Variants in IL1RAP observed in about 807,000 individuals in gnomAD.
IL1RAP encodes the protein interleukin-1 receptor accessory protein.
IL1RAP carries 35 observed loss-of-function variants against 60.7 expected under a neutral mutation model. The observed-to-expected ratio is 0.58, with a 90% CI of 0.44 to 0.76. IL1RAP has a LOEUF of 0.76. Ranked by LOEUF, IL1RAP falls within the 30% of genes least tolerant of loss-of-function variation. IL1RAP has a pLI of 0.00. For missense variants in IL1RAP, 572 were observed against 693.9 expected (o/e 0.82, Z 1.97); for synonymous variants, 268 against 250.9 (o/e 1.07, Z -0.64).
chr3:190,570,818 A>C (rs947526136), intron 3 of IL1RAP, among the ~76,000 whole-genome samples: 1 of 152,124 alleles, frequency 6.6e-6, no homozygotes, highest in Admixed American at 6.5e-5. Context: ...TGCCTGCCTC[A>C]GCCTCCCAAA....
rs1553836079 is a variant in IL1RAP at position 190,555,926 on chromosome 3, G to GTCTGTCTA, written c.-88-201_-88-200insGTCTATCT. 126 of 145,126 alleles carry GTCTGTCTA rather than the reference G, an allele frequency of 8.7e-4. 1 individual carries two copies. The highest frequency in any genetic ancestry group is 2.3e-3 in the African/African-American group (89 of 39,072). 9.0% of individuals were successfully genotyped at this position (145,126 alleles called of 1,614,324 possible). On this transcript the variant is annotated intron_variant, in intron 1 of 11. Coordinates refer to ENST00000447382, the MANE Select transcript of IL1RAP (RefSeq NM_002182.4). ...TATATATATAGATAGATAGAGATCT[G>GTCTGTCTA]TCTATCTATCTATCTATCTATCTAT... is the stretch of plus-strand genomic sequence containing the variant.
intron 3 of IL1RAP, among the ~76,000 whole-genome samples, chr3:190,584,068 T>C (rs975877865): frequency 4.6e-5 from 7 of 152,174 alleles, no homozygotes; most frequent in Admixed American, 1.3e-4. Flanking sequence ...ACCCAGTCAC[T>C]AGCAACCACT....
In IL1RAP at chr3:190,601,204, C is replaced by T. The variant is rs189667543; in HGVS notation, c.65-2924C>T. 1.7e-3 allele frequency among the ~76,000 whole-genome samples: 265 copies of T among 152,186 alleles called. 2 individuals carry two copies. Among genetic ancestry groups the T allele is most frequent in the African/African-American group, 6.1e-3 (252 of 41,532 alleles). ...TTCGCCATGTTGGCCAGGCTGGTCT[C>T]GAACTCCTGACCTCAGGTGATCCGC... is the stretch of plus-strand genomic sequence containing the variant. On this transcript the variant is annotated intron_variant, in intron 3 of 11. Coordinates refer to ENST00000447382, the MANE Select transcript of IL1RAP (RefSeq NM_002182.4).
At chr3:190,589,721 A>G (rs1728780314) in intron 3 of IL1RAP, among the ~76,000 whole-genome samples, 2 of 152,178 alleles carry the variant, frequency 1.3e-5, no homozygotes, top group African/African-American at 2.4e-5. Context: ...TTGAAAGTTG[A>G]AGGCCCCGAT....
At chr3:190,594,672 C>T (rs1454674395) in intron 3 of IL1RAP, among the ~76,000 whole-genome samples, 2 of 152,132 alleles carry the variant, frequency 1.3e-5, no homozygotes, top group East Asian at 3.9e-4. Flanking sequence ...ACTGAAAGTC[C>T]CCACACTCTA....
At chr3:190,608,182 G>T (rs1730510239) in intron 4 of IL1RAP, among the ~76,000 whole-genome samples, 1 of 152,242 alleles carries the variant, frequency 6.6e-6, no homozygotes, top group South Asian at 2.1e-4. Flanking sequence ...GCTGATTTTT[G>T]TCATTGTATG....
intron 3 of IL1RAP, among the ~76,000 whole-genome samples, chr3:190,588,908 C>T (rs1728702838): frequency 6.6e-6 from 1 of 152,084 alleles, no homozygotes; most frequent in South Asian, 2.1e-4. Context: ...GATATAAGTC[C>T]AGTATAAACT....
Position 190,529,316 on chromosome 3 carries a change from A to C in IL1RAP, c.-89+15097A>C, listed in dbSNP as rs796599750. ...ACTTTGGGAGGGCCGAGGCAGGTGG[A>C]TCATGAAGTCAGGAGTTCGAGACCA... On this transcript the variant is annotated intron_variant, in intron 1 of 11. Transcript: ENST00000447382. 4.7e-5 allele frequency among the ~76,000 whole-genome samples: 7 copies of C among 150,448 alleles called. No homozygotes were observed. The East Asian group carries it at 9.7e-4, about 21-fold the overall frequency.
At chr3:190,607,476 A>G (rs1235305917) in intron 4 of IL1RAP, among the ~76,000 whole-genome samples, 1 of 152,220 alleles carries the variant, frequency 6.6e-6, no homozygotes, top group Non-Finnish European at 1.5e-5. Flanking sequence ...TATATTTTAC[A>G]GAGGATAAGC....
intron 7 of IL1RAP, among the ~76,000 whole-genome samples, chr3:190,626,105 G>T (rs1307846996): frequency 6.6e-6 from 1 of 152,148 alleles, no homozygotes; most frequent in Non-Finnish European, 1.5e-5. Flanking sequence ...AGGTAACCAG[G>T]AAAGCAGGCA....
chr3:190,650,594 A>G lies in IL1RAP; in HGVS notation c.*1889A>G, dbSNP rs1734335468. On this transcript the variant is annotated 3_prime_UTR_variant, in exon 12 of 12. Transcript: ENST00000447382. Reference sequence around the variant, plus strand: ...GAACAAATGTAAAATTATATCCTATATTTAAGTACCCATAATAAATCATTT... The same window carrying G: ...GAACAAATGTAAAATTATATCCTATGTTTAAGTACCCATAATAAATCATTT... The G allele has an allele frequency of 2.3e-6, 2 of 869,280 alleles. No individual in the cohort carries two copies. Among genetic ancestry groups the G allele is most frequent in the African/African-American group, 1.8e-5 (1 of 54,846 alleles). The allele number at this position is 869,280 out of a possible 1,614,324, so 53.8% of individuals were successfully genotyped here. A position where few individuals can be genotyped will look rare whatever the true frequency, so the allele number is the denominator to read the frequency against.
chr3:190,560,751 T>C (rs1430525900), intron 2 of IL1RAP, among the ~76,000 whole-genome samples: 3 of 152,204 alleles, frequency 2.0e-5, no homozygotes, highest in Admixed American at 2.0e-4. Flanking sequence ...GAGATGCTAA[T>C]GATTACCAAG....
At chr3:190,603,746 G>A (rs1381979147) in intron 3 of IL1RAP, among the ~76,000 whole-genome samples, 2 of 152,130 alleles carry the variant, frequency 1.3e-5, no homozygotes, top group Admixed American at 1.3e-4. Context: ...CAAACTGGGA[G>A]TCCTTTCTCC....
intron 6 of IL1RAP, among the ~76,000 whole-genome samples, chr3:190,622,231 G>A (rs1007373703): frequency 1.3e-5 from 2 of 152,198 alleles, no homozygotes; most frequent in Non-Finnish European, 2.9e-5. Flanking sequence ...TAAGCAATCC[G>A]ACCTTAAGCA....
chr3:190,575,580 T>A (rs931177731), intron 3 of IL1RAP, among the ~76,000 whole-genome samples: 4 of 152,196 alleles, frequency 2.6e-5, no homozygotes, highest in African/African-American at 9.6e-5. Flanking sequence ...GCATGAGATG[T>A]AGGCCTTGGG....
At chr3:190,595,885 CTA>C (rs1191831006) in intron 3 of IL1RAP, among the ~76,000 whole-genome samples, 1 of 152,162 alleles carries the variant, frequency 6.6e-6, no homozygotes, top group Non-Finnish European at 1.5e-5. Context: ...AACTCTATTT[CTA>C]TGTCTTTCTT....
At chr3:190,617,332 T>C (rs1441213568) in intron 5 of IL1RAP, among the ~76,000 whole-genome samples, 2 of 152,192 alleles carry the variant, frequency 1.3e-5, no homozygotes, top group Non-Finnish European at 2.9e-5. Context: ...ATGACATTCC[T>C]CCACTGCACC....
At chr3:190,643,105 A>G (rs1256065638) in intron 9 of IL1RAP, among the ~76,000 whole-genome samples, 2 of 152,222 alleles carry the variant, frequency 1.3e-5, no homozygotes, top group Admixed American at 6.5e-5. Context: ...CTGTAAAGGT[A>G]TAGTTAATGA....
At chr3:190,569,950 T>C (rs1726770472) in intron 3 of IL1RAP, among the ~76,000 whole-genome samples, 1 of 152,204 alleles carries the variant, frequency 6.6e-6, no homozygotes, top group African/African-American at 2.4e-5. Flanking sequence ...TATTCATTTC[T>C]ACCATATTTT....
Sources: allele counts gnomAD v4.1 joint callset (sites outside exome capture counted in the v4.1 genomes callset), GRCh38; gene constraint gnomAD v4.1.1; transcripts MANE v1.5; gene names NCBI Gene and HGNC (gene_info 2026-07-23, HGNC 2026-07-21).